The following ISM1 variants were observed in gnomAD, a reference collection of about 807,000 sequenced individuals.
ISM1 encodes isthmin 1.
A neutral mutation model predicts 46.3 loss-of-function variants in ISM1; 25 were observed. That is an observed-to-expected ratio of 0.54 (90% CI 0.39 to 0.75). The LOEUF is 0.75. ISM1 is among the 30% of genes least tolerant of loss of function. The pLI, the probability that ISM1 is intolerant of heterozygous loss-of-function variation, is 0.00. For synonymous variants in ISM1, 255 were observed against 256.7 expected, an observed-to-expected ratio of 0.99 and a Z score of 0.06; for missense variants, 536 against 625.4, an observed-to-expected ratio of 0.86 and a Z score of 1.52.
chr20:13,285,180 A>G (rs997433255), intron 3 of ISM1, among the ~76,000 whole-genome samples: 16 of 152,052 alleles, frequency 1.1e-4, no homozygotes, highest in South Asian at 2.1e-4. Context: ...AGTCCCAGCT[A>G]CTCAGGAGGC....
intron 2 of ISM1, among the ~76,000 whole-genome samples, chr20:13,274,606 C>G (rs2040155154): frequency 6.6e-6 from 1 of 152,212 alleles, no homozygotes; most frequent in Non-Finnish European, 1.5e-5. Context: ...ACAGCCTGCA[C>G]CTTTCCAAAG....
At chr20:13,288,718 G>A in intron 4 of ISM1, 35 bp downstream of exon 4, 1 of 1,578,198 alleles carries the variant, frequency 6.3e-7, no homozygotes, top group African/African-American at 1.4e-5. Context: ...CCAAGTTCAA[G>A]GGGAAAGCTT....
chr20:13,249,779 CGTTTT>C (rs33933656), intron 1 of ISM1, among the ~76,000 whole-genome samples: 52,470 of 141,154 alleles, frequency 0.37, 9,749 homozygotes, highest in Non-Finnish European at 0.42. Context: ...TTTTTTGTTG[CGTTTT>C]GTTTTGTTTT....
intron 1 of ISM1, among the ~76,000 whole-genome samples, chr20:13,257,995 T>C (rs1251814811): frequency 1.3e-5 from 2 of 152,150 alleles, no homozygotes; most frequent in Non-Finnish European, 2.9e-5. Flanking sequence ...TCAGCCTTAA[T>C]TTCCTTATCT....
At chr20:13,289,485 G>A (rs924132955) in intron 4 of ISM1, among the ~76,000 whole-genome samples, 2 of 152,212 alleles carry the variant, frequency 1.3e-5, no homozygotes, top group African/African-American at 4.8e-5. Context: ...TTGGTGAGAG[G>A]TCATGTTGAG....
At chr20:13,236,299 A>T (rs956373241) in intron 1 of ISM1, among the ~76,000 whole-genome samples, 1 of 152,180 alleles carries the variant, frequency 6.6e-6, no homozygotes, top group African/African-American at 2.4e-5. Flanking sequence ...TTATGTTAAC[A>T]AACTTCTCAC....
At chr20:13,321,944 C>T in the ISM1 span, among the ~76,000 whole-genome samples, 2 of 152,128 alleles carry the variant, frequency 1.3e-5, no homozygotes, top group African/African-American at 4.8e-5. Context: ...GCCTTCGTTT[C>T]TTCATTGTAA....
chr20:13,253,106 G>C (rs1306711652), intron 1 of ISM1, among the ~76,000 whole-genome samples: 1 of 152,150 alleles, frequency 6.6e-6, no homozygotes, highest in Non-Finnish European at 1.5e-5. Flanking sequence ...TGCTCCATTT[G>C]GGGTACTTGC....
At chr20:13,306,803 G>C in the ISM1 span, among the ~76,000 whole-genome samples, 1 of 152,052 alleles carries the variant, frequency 6.6e-6, no homozygotes, top group South Asian at 2.1e-4. Flanking sequence ...ATTCCTAAAG[G>C]TTTGAAGTCT....
At chr20:13,287,035 T>C (rs1330419703) in intron 3 of ISM1, among the ~76,000 whole-genome samples, 4 of 152,124 alleles carry the variant, frequency 2.6e-5, no homozygotes, top group African/African-American at 9.7e-5. Flanking sequence ...CCTGCTTTCC[T>C]TTCTGTTAAC....
Position 13,221,789 on chromosome 20 carries a change from G to C in ISM1, c.13G>C (p.Ala5Pro). 1 of 1,451,480 alleles carries C rather than the reference G, an allele frequency of 6.9e-7. No homozygotes were observed. Among genetic ancestry groups the C allele is most frequent in the Non-Finnish European group, 9.0e-7 (1 of 1,107,298 alleles). The allele number at this position is 1,451,480 out of a possible 1,614,324, so 89.9% of individuals were successfully genotyped here. The change falls in exon 1 of 6, where the codon GCG (alanine) becomes CCG (proline). Residue 5 changes from alanine to proline, a missense_variant. Ala to Pro is a conservative substitution (Grantham distance 27). Around this residue, in one of 2 missense-constraint regions of ISM1, gnomAD observed 367 missense variants for 376.1 expected, o/e 0.98. Transcript: ENST00000262487. ...GCGTCTCAAAAGGATGGTGCGCCTG[G>C]CGGCCGAGCTGCTGCTGCTGCTGGG... MVRL[A>P]AELLLLLGLL...
the ISM1 span, among the ~76,000 whole-genome samples, chr20:13,323,025 C>G: frequency 6.6e-6 from 1 of 152,120 alleles, no homozygotes; most frequent in Admixed American, 6.5e-5. Flanking sequence ...TCCTTCCTGA[C>G]TTCCAGAACA....
intron 2 of ISM1, among the ~76,000 whole-genome samples, chr20:13,277,340 C>G (rs1047446542): frequency 6.6e-6 from 1 of 152,164 alleles, no homozygotes; most frequent in Non-Finnish European, 1.5e-5. Context: ...TAATTGTGGG[C>G]TTGCCTGGCT....
At chr20:13,324,999 T>C in the ISM1 span, among the ~76,000 whole-genome samples, 6 of 152,212 alleles carry the variant, frequency 3.9e-5, no homozygotes, top group Non-Finnish European at 8.8e-5. Context: ...TCTTATCCTG[T>C]TAGTGCAGCT....
chr20:13,242,847 T>C (rs56301611), intron 1 of ISM1, among the ~76,000 whole-genome samples: 2,867 of 152,296 alleles, frequency 0.019, 39 homozygotes, highest in Non-Finnish European at 0.022. Context: ...GTTATACAGA[T>C]TTCACCTGAT....
intron 1 of ISM1, among the ~76,000 whole-genome samples, chr20:13,236,827 C>G (rs1323520857): frequency 6.6e-6 from 1 of 152,256 alleles, no homozygotes; most frequent in East Asian, 1.9e-4. Context: ...CAAGGTGACA[C>G]TGATGCAAGA....
intron 3 of ISM1, among the ~76,000 whole-genome samples, chr20:13,282,839 G>A (rs557459480): frequency 1.3e-5 from 2 of 152,334 alleles, no homozygotes; most frequent in South Asian, 2.1e-4. Context: ...AAGCCTGGGC[G>A]AAGCTGAGAC....
chr20:13,269,356 A>G (rs914782391), intron 1 of ISM1, among the ~76,000 whole-genome samples: 14 of 152,236 alleles, frequency 9.2e-5, no homozygotes, highest in Non-Finnish European at 1.0e-4. Context: ...ATTTCCCCAT[A>G]GTGATAAAGA....
chr20:13,223,024 G>A (rs1294735659), intron 1 of ISM1, among the ~76,000 whole-genome samples: 1 of 152,086 alleles, frequency 6.6e-6, no homozygotes, highest in African/African-American at 2.4e-5. Context: ...TTAGCTGGGC[G>A]TGGTGGCGCA....
Sources: gnomAD v4.1 joint callset for allele counts (sites outside exome capture counted in the v4.1 genomes callset) on GRCh38, gnomAD v4.1.1 for gene constraint, gnomAD v4.1.1 regional missense constraint, MANE v1.5 for transcripts, NCBI Gene and HGNC (gene_info 2026-07-23, HGNC 2026-07-21) for gene names.